VPS35L: variants seen among roughly 807,000 people sequenced by gnomAD.
VPS35L encodes VPS35 endosomal protein-sorting factor-like.
A neutral mutation model predicts 133.0 loss-of-function variants in VPS35L; 83 were observed. The ratio of observed to expected loss-of-function variants is 0.62; its 90% CI spans 0.52 to 0.75. VPS35L has a LOEUF of 0.75. Among genes scored for constraint, VPS35L ranks in the 30% least tolerant of loss-of-function variants. The pLI, the probability that VPS35L is intolerant of heterozygous loss-of-function variation, is 0.00. For synonymous variants in VPS35L, 423 were observed against 449.9 expected (o/e 0.94, Z 0.76); for missense variants, 1,083 against 1,206.8 (o/e 0.90, Z 1.52).
chr16:19,654,009 C>T (rs1351806072), intron 26 of VPS35L, among the ~76,000 whole-genome samples: 3 of 152,210 alleles, frequency 2.0e-5, no homozygotes, highest in Admixed American at 2.0e-4. Flanking sequence ...CCTGCATCCT[C>T]ATCTCCCATT....
chr16:19,575,173 A>T, intron 5 of VPS35L, 51 bp downstream of exon 5: 2 of 1,555,648 alleles, frequency 1.3e-6, no homozygotes, highest in Non-Finnish European at 1.8e-6. Flanking sequence ...CATTACTTTT[A>T]GTATAATTTT....
intron 29 of VPS35L, among the ~76,000 whole-genome samples, chr16:19,693,154 G>C (rs941019277): frequency 1.3e-5 from 2 of 152,190 alleles, no homozygotes; most frequent in Non-Finnish European, 2.9e-5. Flanking sequence ...GTTGTTTGTG[G>C]AAAGAGTGGC....
intron 5 of VPS35L, among the ~76,000 whole-genome samples, chr16:19,576,785 C>T (rs959859922): frequency 1.3e-5 from 2 of 151,574 alleles, no homozygotes; most frequent in African/African-American, 2.4e-5. Context: ...TGGTGCAGTG[C>T]AACCTCTGCC....
chr16:19,658,139 C>G lies in VPS35L; in HGVS notation c.2221+6049C>G, dbSNP rs75124942. 3.0e-4 allele frequency among the ~76,000 whole-genome samples: 45 copies of G among 152,300 alleles called. No homozygotes were observed. In the East Asian group the frequency reaches 8.7e-3, roughly 29 times the overall value. On this transcript the variant is annotated intron_variant, in intron 26 of 30. Coordinates refer to ENST00000417362, the MANE Select transcript of VPS35L (RefSeq NM_020314.7). ...GACCCTTATAATAGTTAAATTATAA[C>G]CTGCAGTTTCTTCCTCCTGTCAGTA...
intron 27 of VPS35L, among the ~76,000 whole-genome samples, chr16:19,670,325 G>A (rs1165634506): frequency 2.6e-5 from 4 of 152,186 alleles, no homozygotes; most frequent in Admixed American, 2.0e-4. Context: ...CAGAGGTGTC[G>A]CCCAGTGGGG....
At chr16:19,562,725 T>TC (rs1165842846) in intron 1 of VPS35L, among the ~76,000 whole-genome samples, 1 of 151,946 alleles carries the variant, frequency 6.6e-6, no homozygotes, top group Non-Finnish European at 1.5e-5. Context: ...TTTTCTGCCT[T>TC]CCCCCCACTC....
At chr16:19,589,601 G>A (rs1971977403) in intron 7 of VPS35L, among the ~76,000 whole-genome samples, 1 of 152,176 alleles carries the variant, frequency 6.6e-6, no homozygotes, top group African/African-American at 2.4e-5. Context: ...GACAAGTTTA[G>A]GAAGCGGCAC....
At chr16:19,700,144 T>C (rs893624211) in intron 30 of VPS35L, among the ~76,000 whole-genome samples, 2 of 152,128 alleles carry the variant, frequency 1.3e-5, no homozygotes, top group Non-Finnish European at 2.9e-5. Flanking sequence ...TCCCTCTGAA[T>C]AGGAACCATA....
At chr16:19,612,315 G>T (rs1395155330) in intron 12 of VPS35L, among the ~76,000 whole-genome samples, 1 of 152,060 alleles carries the variant, frequency 6.6e-6, no homozygotes, top group Non-Finnish European at 1.5e-5. Context: ...GTGCAGTGGT[G>T]CAATCTCAGC....
intron 7 of VPS35L, 42 bp from the exon 8 acceptor site, chr16:19,591,748 G>C: frequency 6.8e-7 from 1 of 1,467,356 alleles, no homozygotes; most frequent in Non-Finnish European, 9.5e-7. Flanking sequence ...ACCCATACCA[G>C]ACATGCCAGA....
chr16:19,643,647 T>G (rs1973852629), intron 22 of VPS35L, among the ~76,000 whole-genome samples: 1 of 152,082 alleles, frequency 6.6e-6, no homozygotes. Flanking sequence ...GGGAATGTTG[T>G]TCTAAGAACA....
intron 26 of VPS35L, among the ~76,000 whole-genome samples, chr16:19,660,327 C>CA (rs550659757): frequency 0.027 from 3,615 of 132,236 alleles, 79 homozygotes; most frequent in African/African-American, 0.059. Flanking sequence ...GACCCTGTCT[C>CA]AAAAAAAAAA....
In VPS35L at chr16:19,629,677, C is replaced by A. The variant is rs146298840; in HGVS notation, c.1501-90C>A. 91 of 1,133,600 alleles carry A rather than the reference C, an allele frequency of 8.0e-5. No individual in the cohort carries two copies. In the African/African-American group the frequency reaches 1.3e-3, roughly 16 times the overall value. 70.2% of individuals were successfully genotyped at this position (1,133,600 alleles called of 1,614,324 possible). On this transcript the variant is annotated intron_variant, in intron 17 of 30. Transcript: ENST00000417362. ...AGCAAAAGGAAATTCCCGTTTCCAACCATTGAACAGAGCCAGCTGAAGCCT... is the reference window on the plus strand; with the variant it reads ...AGCAAAAGGAAATTCCCGTTTCCAAACATTGAACAGAGCCAGCTGAAGCCT...
At chr16:19,692,393 A>G (rs2151627267) in intron 29 of VPS35L, among the ~76,000 whole-genome samples, 1 of 152,156 alleles carries the variant, frequency 6.6e-6, no homozygotes, top group South Asian at 2.1e-4. Flanking sequence ...TGCTGTGTTT[A>G]TTTCCATTGA....
rs546370021 is a variant in VPS35L at position 19,700,477 on chromosome 16, C to A, written c.*1C>A. ...ACTCCCTCTGCAAACAAGGACCTGA[C>A]CCCCGGGCCCATCCCCAGGCTCAGG... On this transcript the variant is annotated 3_prime_UTR_variant, in exon 31 of 31. Transcript: ENST00000417362. The A allele has an allele frequency of 2.5e-6, 4 of 1,612,718 alleles. No homozygotes were observed. The highest frequency in any genetic ancestry group is 3.4e-6 in the Non-Finnish European group (4 of 1,178,698).
chr16:19,570,889 A>T (rs865799044), intron 3 of VPS35L, among the ~76,000 whole-genome samples: 1,691 of 91,512 alleles, frequency 0.018, 93 homozygotes, highest in African/African-American at 0.069. Flanking sequence ...ATATATATAT[A>T]TTTTTGAGAT....
In VPS35L at chr16:19,626,176, G is replaced by T; in HGVS notation, c.1225-1G>T. 6.3e-7 allele frequency: 1 copy of T among 1,581,338 alleles called. No homozygotes were observed. The highest frequency in any genetic ancestry group is 1.1e-5 in the South Asian group (1 of 88,284). On this transcript the variant is annotated splice_acceptor_variant, in intron 14 of 30. Coordinates refer to ENST00000417362, the MANE Select transcript of VPS35L (RefSeq NM_020314.7). LOFTEE classifies it high-confidence loss of function. ...AATTATTATTATTTTTAACATAATA[G>T]GCTCTGCTGACCGAGATGATGGAAA...
At chr16:19,620,862 G>C (rs563242871) in intron 14 of VPS35L, among the ~76,000 whole-genome samples, 1 of 152,084 alleles carries the variant, frequency 6.6e-6, no homozygotes, top group African/African-American at 2.4e-5. Context: ...GAGGCAGGGG[G>C]ATTACTTGAA....
intron 23 of VPS35L, among the ~76,000 whole-genome samples, chr16:19,645,839 C>T (rs556308150): frequency 6.6e-6 from 1 of 152,248 alleles, no homozygotes; most frequent in Non-Finnish European, 1.5e-5. Flanking sequence ...GATCATCAGA[C>T]GGTGATGGAA....
Sources: allele counts gnomAD v4.1 joint callset (sites outside exome capture counted in the v4.1 genomes callset), GRCh38; gene constraint gnomAD v4.1.1; transcripts MANE v1.5; gene names NCBI Gene and HGNC (gene_info 2026-07-23, HGNC 2026-07-21).